The following TENM2 variants were observed in gnomAD, a reference collection of about 807,000 sequenced individuals.
TENM2 encodes teneurin-2.
In TENM2, 52 loss-of-function variants were observed where a neutral mutation model predicts 245.2. The ratio of observed to expected loss-of-function variants is 0.21; its 90% CI spans 0.17 to 0.27. TENM2 has a LOEUF of 0.27. Ranked by LOEUF, TENM2 falls within the 10% of genes least tolerant of loss-of-function variation. TENM2 has a pLI of 1.00. For synonymous variants in TENM2, 1,363 were observed against 1,438.9 expected, an observed-to-expected ratio of 0.95 and a Z score of 1.19; for missense variants, 3,046 against 3,666.8, an observed-to-expected ratio of 0.83 and a Z score of 4.37.
chr5:167,942,106 G>C (rs1779230711), intron 3 of TENM2, among the ~76,000 whole-genome samples: 1 of 151,538 alleles, frequency 6.6e-6, no homozygotes, highest in South Asian at 2.1e-4. Flanking sequence ...TACTCGGGAG[G>C]CTGAGGCAGG....
the TENM2 span, among the ~76,000 whole-genome samples, chr5:167,262,399 T>G: frequency 0.017 from 2,072 of 120,126 alleles, 25 homozygotes; most frequent in African/African-American, 0.046. Flanking sequence ...GCTTTTTTTT[T>G]GGGGGGGCGG....
chr5:167,560,655 A>G (rs185552914), intron 2 of TENM2, among the ~76,000 whole-genome samples: 1 of 152,306 alleles, frequency 6.6e-6, no homozygotes, highest in East Asian at 1.9e-4. Flanking sequence ...GTTTGTTTTT[A>G]GGATCAAATG....
At chr5:167,649,483 G>A (rs776197169) in intron 2 of TENM2, among the ~76,000 whole-genome samples, 1 of 152,124 alleles carries the variant, frequency 6.6e-6, no homozygotes, top group Non-Finnish European at 1.5e-5. Flanking sequence ...ATACCACAGG[G>A]CTGACAAAGA....
intron 2 of TENM2, among the ~76,000 whole-genome samples, chr5:167,632,028 C>A (rs1778910124): frequency 6.6e-6 from 1 of 152,156 alleles, no homozygotes; most frequent in Non-Finnish European, 1.5e-5. Flanking sequence ...ACTTCTTGAT[C>A]CTGGTGGTAT....
chr5:167,528,556 T>C (rs1431247160), intron 2 of TENM2, among the ~76,000 whole-genome samples: 1 of 152,204 alleles, frequency 6.6e-6, no homozygotes, highest in East Asian at 1.9e-4. Flanking sequence ...ATTCTTACCA[T>C]AGTATCTGCC....
At position 168,003,347 on chromosome 5, in the gene TENM2, C is replaced by CA. The variant is rs1562038837; in HGVS notation, c.1186+10165_1186+10166insA. On this transcript the variant is annotated intron_variant, in intron 5 of 28. Transcript: ENST00000518659. ...CACACACACACACACACACACACAC[C>CA]CCCAAAGCTGGCATAACTGTGAAGA... 3.3e-3 allele frequency among the ~76,000 whole-genome samples: 170 copies of CA among 51,230 alleles called. 1 individual carries two copies. In the East Asian group the frequency reaches 0.069, roughly 21 times the overall value. 33.6% of individuals were successfully genotyped at this position (51,230 alleles called of 152,430 possible). A position where few individuals can be genotyped will look rare whatever the true frequency, so the allele number is the denominator to read the frequency against.
intron 2 of TENM2, among the ~76,000 whole-genome samples, chr5:167,783,869 C>G (rs138727606): frequency 6.6e-6 from 1 of 151,962 alleles, no homozygotes; most frequent in Admixed American, 6.5e-5. Flanking sequence ...AGAAGTCCCC[C>G]GGGGGGACTT....
chr5:167,864,799 A>G (rs1347871236), intron 2 of TENM2, among the ~76,000 whole-genome samples: 1 of 152,198 alleles, frequency 6.6e-6, no homozygotes, highest in Non-Finnish European at 1.5e-5. Context: ...GGTTTGTGTC[A>G]GATTAAATAC....
intron 3 of TENM2, among the ~76,000 whole-genome samples, chr5:167,893,016 T>A (rs550149980): frequency 1.3e-4 from 20 of 152,322 alleles, no homozygotes; most frequent in African/African-American, 4.8e-4. Flanking sequence ...TCATTATGAC[T>A]GACATTAACT....
At chr5:168,148,792 T>G (rs1223441040) in intron 12 of TENM2, among the ~76,000 whole-genome samples, 1 of 152,108 alleles carries the variant, frequency 6.6e-6, no homozygotes, top group Non-Finnish European at 1.5e-5. Flanking sequence ...ACTTACTGTT[T>G]TGTGACCGCA....
At chr5:168,007,807 A>C (rs1382165897) in intron 5 of TENM2, among the ~76,000 whole-genome samples, 2 of 152,154 alleles carry the variant, frequency 1.3e-5, no homozygotes, top group African/African-American at 4.8e-5. Flanking sequence ...GGAAACCCTG[A>C]ATTTAGTTTA....
chr5:167,255,182 C>G, the TENM2 span, among the ~76,000 whole-genome samples: 22 of 150,818 alleles, frequency 1.5e-4, no homozygotes, highest in African/African-American at 5.1e-4. Context: ...TGTCAAATTA[C>G]AAGACAAATG....
At chr5:168,028,816 AAAT>A (rs1357517280) in intron 5 of TENM2, among the ~76,000 whole-genome samples, 22 of 151,226 alleles carry the variant, frequency 1.5e-4, no homozygotes, top group African/African-American at 5.4e-4. Flanking sequence ...AAAAAAAAAA[AAAT>A]GGGCTTGTGA....
At chr5:167,190,617 T>G in the TENM2 span, among the ~76,000 whole-genome samples, 2 of 152,236 alleles carry the variant, frequency 1.3e-5, no homozygotes, top group African/African-American at 4.8e-5. Context: ...ACTCTAGGTT[T>G]CTAAGAACCA....
At chr5:167,519,136 C>T (rs1012092195) in intron 2 of TENM2, among the ~76,000 whole-genome samples, 2 of 152,128 alleles carry the variant, frequency 1.3e-5, no homozygotes, top group Non-Finnish European at 2.9e-5. Flanking sequence ...ACATCTAACA[C>T]TCTGTAACAA....
chr5:167,692,000 C>G (rs976210630), intron 2 of TENM2, among the ~76,000 whole-genome samples: 7 of 152,158 alleles, frequency 4.6e-5, no homozygotes, highest in African/African-American at 1.7e-4. Flanking sequence ...GTACCTCCTT[C>G]TTGACCCTCT....
chr5:167,138,000 T>G, the TENM2 span, among the ~76,000 whole-genome samples: 1 of 152,166 alleles, frequency 6.6e-6, no homozygotes, highest in Non-Finnish European at 1.5e-5. Flanking sequence ...ATTAATGGCT[T>G]AAAATATTTA....
chr5:167,518,518 C>A (rs2127578982), intron 2 of TENM2, among the ~76,000 whole-genome samples: 1 of 152,264 alleles, frequency 6.6e-6, no homozygotes, highest in Non-Finnish European at 1.5e-5. Context: ...ATGGCACAAT[C>A]TGAAATGTCC....
At chr5:167,567,219 C>G (rs1033930574) in intron 2 of TENM2, among the ~76,000 whole-genome samples, 1 of 152,046 alleles carries the variant, frequency 6.6e-6, no homozygotes, top group African/African-American at 2.4e-5. Context: ...AGGTTATGCT[C>G]TTTTCTTATT....
Sources: allele counts gnomAD v4.1 joint callset (sites outside exome capture counted in the v4.1 genomes callset), GRCh38; gene constraint gnomAD v4.1.1; transcripts MANE v1.5; gene names NCBI Gene and HGNC (gene_info 2026-07-23, HGNC 2026-07-21).